DLEU7: variants seen among roughly 807,000 people sequenced by gnomAD.
The protein encoded by DLEU7 is deleted in lymphocytic leukemia 7, also known as leukemia-associated protein 7.
In DLEU7, 17 loss-of-function variants were observed where a neutral mutation model predicts 16.0. That is an observed-to-expected ratio of 1.06 (90% CI 0.73 to 1.59). The LOEUF (loss-of-function observed/expected upper bound fraction) is 1.59, where lower values mean the gene tolerates loss of function less well. Ranked by LOEUF, DLEU7 falls within the 40% of genes most tolerant of loss-of-function variation. The pLI is 0.00. For synonymous variants in DLEU7, 113 were observed against 139.8 expected, an observed-to-expected ratio of 0.81 and a Z score of 1.35; for missense variants, 308 against 314.9, an observed-to-expected ratio of 0.98 and a Z score of 0.17.
intron 1 of DLEU7, among the ~76,000 whole-genome samples, chr13:50,733,400 C>T (rs2137718604): frequency 6.6e-6 from 1 of 152,326 alleles, no homozygotes; most frequent in Middle Eastern, 3.4e-3. Context: ...ACTATCCATA[C>T]TCTTTCAGTA....
At chr13:50,776,665 A>G (rs992954647) in intron 1 of DLEU7, among the ~76,000 whole-genome samples, 1 of 152,184 alleles carries the variant, frequency 6.6e-6, no homozygotes, top group Non-Finnish European at 1.5e-5. Context: ...GGAAAGGCAT[A>G]CCATCAGCTC....
intron 1 of DLEU7, among the ~76,000 whole-genome samples, chr13:50,721,932 A>AT (rs533708284): frequency 3.3e-5 from 5 of 151,678 alleles, no homozygotes; most frequent in African/African-American, 1.2e-4. Flanking sequence ...AATATTCAGC[A>AT]TTTTTTTTTC....
intron 1 of DLEU7, among the ~76,000 whole-genome samples, chr13:50,767,996 A>G (rs1396868116): frequency 6.6e-6 from 1 of 152,226 alleles, no homozygotes; most frequent in Non-Finnish European, 1.5e-5. Flanking sequence ...TGTGTTTTGA[A>G]GAATAGATGC....
intron 1 of DLEU7, among the ~76,000 whole-genome samples, chr13:50,779,872 T>A (rs1358417039): frequency 1.3e-5 from 2 of 152,188 alleles, no homozygotes; most frequent in African/African-American, 4.8e-5. Context: ...AGAGAGTTTT[T>A]AAAAATTATT....
intron 1 of DLEU7, among the ~76,000 whole-genome samples, chr13:50,765,762 T>C (rs1289295213): frequency 6.6e-6 from 1 of 151,924 alleles, no homozygotes; most frequent in Non-Finnish European, 1.5e-5. Context: ...GGCACTGTAC[T>C]GGGAGCCAGC....
chr13:50,814,684 C>CAA (rs1438404926), intron 1 of DLEU7, among the ~76,000 whole-genome samples: 1 of 37,366 alleles, frequency 2.7e-5, no homozygotes, highest in African/African-American at 7.3e-5. Context: ...GAACTACACA[C>CAA]ACACACACAC....
downstream of DLEU7, among the ~76,000 whole-genome samples, chr13:50,821,171 A>G (rs943140834): frequency 5.9e-5 from 9 of 152,108 alleles, no homozygotes; most frequent in African/African-American, 1.9e-4. Flanking sequence ...GAGCTCCTCT[A>G]CAGACGTTGA....
intron 1 of DLEU7, among the ~76,000 whole-genome samples, chr13:50,767,800 A>G (rs930735549): frequency 6.6e-6 from 1 of 152,190 alleles, no homozygotes; most frequent in African/African-American, 2.4e-5. Context: ...GACACCCCTT[A>G]GCCCTGGCTT....
downstream of DLEU7, chr13:50,822,613 A>G: frequency 1.0e-6 from 1 of 981,792 alleles, no homozygotes; most frequent in Middle Eastern, 5.3e-4. Context: ...ATTTAGAAAC[A>G]GTAAAAGCTA....
At position 50,843,255 on chromosome 13, in the gene DLEU7, A is replaced by G. The variant is rs746677249; in HGVS notation, c.392T>C (p.Leu131Pro). 1 of 1,593,642 alleles carries G rather than the reference A, an allele frequency of 6.3e-7. No homozygotes were observed. Among genetic ancestry groups the G allele is most frequent in the Admixed American group, 1.7e-5 (1 of 58,616 alleles). Reference protein sequence around the residue: ...LARVVDSTSELVSVEQTLLGP... With the variant: ...LARVVDSTSEPVSVEQTLLGP... ...CAGCAGCGTCTGCTCCACGCTGACC[A>G]GCTCCGAAGTCGAGTCCACCACGCG... The change falls in exon 1 of 2, where the codon CTG (leucine) becomes CCG (proline). Residue 131 changes from leucine (L) to proline (P), a missense_variant. Coordinates refer to ENST00000504404, the MANE Select transcript of DLEU7 (RefSeq NM_001306135.2). This position sits in a 1 kb window ranked among gnomAD's most constrained non-coding sequence, Gnocchi z 5.7.
chr13:50,817,440 C>A (rs1437767450), intron 1 of DLEU7, among the ~76,000 whole-genome samples: 3 of 152,112 alleles, frequency 2.0e-5, no homozygotes, highest in Admixed American at 6.6e-5. Flanking sequence ...TAAGTGAAAC[C>A]AGGACTGTGG....
intron 1 of DLEU7, among the ~76,000 whole-genome samples, chr13:50,770,125 T>C (rs1875249963): frequency 6.6e-6 from 1 of 152,200 alleles, no homozygotes; most frequent in Non-Finnish European, 1.5e-5. Context: ...TGATTTTGTA[T>C]CCTGAGACTT....
chr13:50,793,447 C>G (rs7988851), intron 1 of DLEU7, among the ~76,000 whole-genome samples: 2 of 151,874 alleles, frequency 1.3e-5, no homozygotes, highest in Admixed American at 6.6e-5. Flanking sequence ...CCACAGTGGC[C>G]GAACTAATTT....
At chr13:50,795,814 G>T (rs1876093584) in intron 1 of DLEU7, among the ~76,000 whole-genome samples, 1 of 152,130 alleles carries the variant, frequency 6.6e-6, no homozygotes, top group Non-Finnish European at 1.5e-5. Context: ...GGAAATTAAA[G>T]ATAATTAGTA....
At chr13:50,775,029 C>T (rs186665291) in intron 1 of DLEU7, among the ~76,000 whole-genome samples, 175 of 151,898 alleles carry the variant, frequency 1.2e-3, no homozygotes, top group South Asian at 1.7e-3. Flanking sequence ...ACATATTTAT[C>T]GTAACTATAT....
intron 1 of DLEU7, among the ~76,000 whole-genome samples, chr13:50,802,926 A>G (rs565903943): frequency 6.6e-6 from 1 of 152,182 alleles, no homozygotes; most frequent in Non-Finnish European, 1.5e-5. Flanking sequence ...AGGCTTCTAC[A>G]TTATTACATA....
chr13:50,784,788 C>T (rs1171663923), intron 1 of DLEU7, among the ~76,000 whole-genome samples: 1 of 152,176 alleles, frequency 6.6e-6, no homozygotes, highest in Non-Finnish European at 1.5e-5. Context: ...TCTGTGTGAA[C>T]AGTTAAGTGC....
In DLEU7 at chr13:50,782,662, T is replaced by G. The variant is rs553972372; in HGVS notation, c.459+60526A>C. ...AGCCCTAGTTTCCATATAGTGAGCT[T>G]CTTGAAGTCAGAAGATTTATTCCTT... On this transcript the variant is annotated intron_variant, in intron 1 of 1. Coordinates refer to the DLEU7 transcript ENST00000400393. 1.4e-4 allele frequency among the ~76,000 whole-genome samples: 21 copies of G among 152,216 alleles called. No individual in the cohort carries two copies. The South Asian group carries it at 4.4e-3, about 32-fold the overall frequency.
chr13:50,786,485 A>G (rs1875797915), intron 1 of DLEU7, among the ~76,000 whole-genome samples: 1 of 152,202 alleles, frequency 6.6e-6, no homozygotes, highest in East Asian at 1.9e-4. Flanking sequence ...CTCAGTGCAT[A>G]TTTGTTAAAT....
Sources: allele counts gnomAD v4.1 joint callset (sites outside exome capture counted in the v4.1 genomes callset), GRCh38; gene constraint gnomAD v4.1.1; non-coding constraint Gnocchi (gnomAD v3.1); transcripts MANE v1.5; gene names NCBI Gene and HGNC (gene_info 2026-07-23, HGNC 2026-07-21).